Variants in PPFIBP2 observed in about 807,000 individuals in gnomAD.
PPFIBP2 encodes the protein PPFIB scaffold protein 2.
In PPFIBP2, 118 loss-of-function variants were observed where a neutral mutation model predicts 118.3. The ratio of observed to expected loss-of-function variants is 1.00; its 90% CI spans 0.86 to 1.16. The LOEUF (loss-of-function observed/expected upper bound fraction) is 1.16. Ranked by LOEUF, PPFIBP2 falls within the 50% of genes most tolerant of loss-of-function variation. The pLI is 0.00. For missense variants in PPFIBP2, 1,195 were observed against 1,073.1 expected, an observed-to-expected ratio of 1.11 and a Z score of -1.59; for synonymous variants, 414 against 397.4, an observed-to-expected ratio of 1.04 and a Z score of -0.50.
chr11:7,565,570 G>T lies in PPFIBP2; in HGVS notation c.82G>T (p.Asp28Tyr). Residue 28 changes from aspartate to tyrosine, a missense_variant, in exon 3 of 24, where the codon GAT becomes TAT. By Grantham distance (160) the Asp-to-Tyr change is radical. Coordinates refer to ENST00000299492, the MANE Select transcript of PPFIBP2 (RefSeq NM_003621.5). Reference protein sequence around the residue: ...GIIAGTKTGADLSDGTCEPGL... With the variant: ...GIIAGTKTGAYLSDGTCEPGL... ...CATTGCAGGCACTAAAACAGGTGCA[G>T]ATCTTAGTGATGGTACTTGTGAGCC... The T allele has an allele frequency of 1.2e-6, 2 of 1,614,228 alleles. No homozygotes were observed. Among genetic ancestry groups the T allele is most frequent in the East Asian group, 4.5e-5 (2 of 44,886 alleles).
chr11:7,572,092 G>A (rs1414711537), intron 3 of PPFIBP2: 1 of 152,200 alleles, frequency 6.6e-6, no homozygotes, highest in African/African-American at 2.4e-5. Context: ...GGGTGGGGGA[G>A]AAGAGACAGG....
At chr11:7,556,257 C>A (rs573799170) in intron 2 of PPFIBP2, among the ~76,000 whole-genome samples, 1 of 152,074 alleles carries the variant, frequency 6.6e-6, no homozygotes, top group East Asian at 1.9e-4. Flanking sequence ...AGATTGAGAC[C>A]ATCCTGGCTA....
At chr11:7,608,615 G>A (rs1847689062) in intron 5 of PPFIBP2, among the ~76,000 whole-genome samples, 1 of 152,128 alleles carries the variant, frequency 6.6e-6, no homozygotes, top group African/African-American at 2.4e-5. Flanking sequence ...ACTCCAGCCT[G>A]GGCAAAAAGA....
rs371778047 is a variant in PPFIBP2, at chr11:7,642,380, G to T, written c.1600G>T (p.Ala534Ser). Residue 534 changes from alanine (A) to serine (S), a missense_variant, in exon 17 of 24, where the codon GCA (alanine) becomes TCA (serine). By Grantham distance (99) the Ala-to-Ser change is moderately conservative (BLOSUM62 1). Transcript: ENST00000299492. ...TCGACGAGGTGGGCTCCGGGCAACCGCAGGGCCAAGACTCTCTAGGACCAG... is the reference window on the plus strand; with the variant it reads ...TCGACGAGGTGGGCTCCGGGCAACCTCAGGGCCAAGACTCTCTAGGACCAG... Reference protein sequence around the residue: ...EFRRGGLRATAGPRLSRTRDS... With the variant: ...EFRRGGLRATSGPRLSRTRDS... 1 of 1,613,990 alleles carries T rather than the reference G, an allele frequency of 6.2e-7. No homozygotes were observed. Among genetic ancestry groups the T allele is most frequent in the African/African-American group, 1.3e-5 (1 of 75,018 alleles).
chr11:7,658,481 A>AT (rs1264077315), downstream of PPFIBP2, among the ~76,000 whole-genome samples: 2 of 89,144 alleles, frequency 2.2e-5, no homozygotes, highest in Non-Finnish European at 4.3e-5. Context: ...TGAACTCATC[A>AT]TTTTTTATGG....
chr11:7,529,078 CAG>C (rs1850462508), intron 1 of PPFIBP2, among the ~76,000 whole-genome samples: 1 of 152,216 alleles, frequency 6.6e-6, no homozygotes, highest in East Asian at 1.9e-4. Context: ...ACTGAGAAGA[CAG>C]AGGAAATATT....
At chr11:7,629,435 A>G (rs780069360) in intron 9 of PPFIBP2, 24 bp from the exon 10 acceptor site, 1 of 1,607,976 alleles carries the variant, frequency 6.2e-7, no homozygotes, top group Non-Finnish European at 8.5e-7. Context: ...GCATTAATCT[A>G]AATCTCTACT....
intron 1 of PPFIBP2, among the ~76,000 whole-genome samples, chr11:7,540,969 CT>C (rs1851715558): frequency 6.6e-6 from 1 of 152,162 alleles, no homozygotes. Flanking sequence ...GGGCAGAGGT[CT>C]GCCAAAAGGT....
intron 5 of PPFIBP2, among the ~76,000 whole-genome samples, chr11:7,599,469 A>G (rs991936972): frequency 3.9e-5 from 6 of 152,160 alleles, no homozygotes; most frequent in Admixed American, 6.5e-5. Context: ...CCTTCTCTAC[A>G]TAGCTCTCTA....
At chr11:7,662,940 C>T in the PPFIBP2 span, among the ~76,000 whole-genome samples, 137 of 136,408 alleles carry the variant, frequency 1.0e-3, no homozygotes, top group Non-Finnish European at 1.7e-3. Context: ...TTGATCGCAT[C>T]GGCTCCTGAG....
chr11:7,612,441 G>A (rs1848180094), intron 6 of PPFIBP2, among the ~76,000 whole-genome samples: 1 of 152,206 alleles, frequency 6.6e-6, no homozygotes, highest in Admixed American at 6.5e-5. Context: ...GTCAGCCCGT[G>A]TGTGGAAGTA....
At chr11:7,646,139 T>C (rs773269050) in intron 17 of PPFIBP2, among the ~76,000 whole-genome samples, 1 of 152,192 alleles carries the variant, frequency 6.6e-6, no homozygotes, top group Non-Finnish European at 1.5e-5. Flanking sequence ...TATGAATCCA[T>C]TGGGAAAAGG....
At chr11:7,575,138 A>G (rs1856132096) in intron 3 of PPFIBP2, among the ~76,000 whole-genome samples, 1 of 152,106 alleles carries the variant, frequency 6.6e-6, no homozygotes, top group Admixed American at 6.5e-5. Flanking sequence ...CTTCACATAG[A>G]ATTTTAGTCT....
intron 1 of PPFIBP2, among the ~76,000 whole-genome samples, chr11:7,522,103 G>A (rs1225114817): frequency 6.6e-6 from 1 of 152,188 alleles, no homozygotes; most frequent in East Asian, 1.9e-4. Flanking sequence ...GGGACAGGGA[G>A]GAACTTCTTA....
chr11:7,550,248 C>T (rs933949181), intron 2 of PPFIBP2, among the ~76,000 whole-genome samples: 1 of 152,236 alleles, frequency 6.6e-6, no homozygotes, highest in Non-Finnish European at 1.5e-5. Flanking sequence ...TTACCTGATA[C>T]ACTTCAGTGG....
In PPFIBP2 at chr11:7,593,136, A is replaced by C; in HGVS notation, c.284A>C (p.Gln95Pro). ...IKEWFEESLS[Q>P]VNHHSAASNE... ...TTTTTTTTCTGTCCTCTTTAGTCCC[A>C]GGTAAACCACCACAGTGCTGCTAGT... is the stretch of plus-strand genomic sequence containing the variant. The change falls in exon 4 of 24, where the codon CAG becomes CCG. Residue 95 changes from glutamine (Q) to proline (P), a missense_variant. Coordinates refer to ENST00000299492, the MANE Select transcript of PPFIBP2 (RefSeq NM_003621.5). 1 of 1,613,888 alleles carries C rather than the reference A, an allele frequency of 6.2e-7. No individual in the cohort carries two copies. The highest frequency in any genetic ancestry group is 8.5e-7 in the Non-Finnish European group (1 of 1,179,910).
At chr11:7,589,078 G>A (rs1858739202) in intron 3 of PPFIBP2, among the ~76,000 whole-genome samples, 1 of 152,216 alleles carries the variant, frequency 6.6e-6, no homozygotes, top group Non-Finnish European at 1.5e-5. Flanking sequence ...TGTCACATTT[G>A]TAGCAATAAC....
intron 3 of PPFIBP2, among the ~76,000 whole-genome samples, chr11:7,591,284 C>T (rs1366756560): frequency 6.6e-6 from 1 of 151,528 alleles, no homozygotes; most frequent in Non-Finnish European, 1.5e-5. Flanking sequence ...CATTTCCTGC[C>T]AGAGAATGGG....
intron 1 of PPFIBP2, among the ~76,000 whole-genome samples, chr11:7,547,920 C>T (rs751108173): frequency 1.8e-4 from 27 of 152,148 alleles, no homozygotes; most frequent in Admixed American, 1.1e-3. Context: ...GAACCAGCCT[C>T]CTGAGTTTAT....
Sources: gnomAD v4.1 joint callset for allele counts (sites outside exome capture counted in the v4.1 genomes callset) on GRCh38, gnomAD v4.1.1 for gene constraint, MANE v1.5 for transcripts, NCBI Gene and HGNC (gene_info 2026-07-23, HGNC 2026-07-21) for gene names.